FOXP2: variants seen among roughly 807,000 people sequenced by gnomAD.
FOXP2 encodes forkhead box protein P2.
FOXP2 carries 12 observed loss-of-function variants against 115.8 expected under a neutral mutation model. The observed-to-expected ratio is 0.10, with a 90% CI of 0.07 to 0.17. The LOEUF (loss-of-function observed/expected upper bound fraction) is 0.17. FOXP2 is among the 10% of genes least tolerant of loss of function. The probability of loss-of-function intolerance (pLI) is 1.00; values close to 1 mark genes in which losing one functional copy is unlikely to be tolerated. For missense variants in FOXP2, 629 were observed against 843.5 expected, an observed-to-expected ratio of 0.75 and a Z score of 3.15; for synonymous variants, 328 against 297.7, an observed-to-expected ratio of 1.10 and a Z score of -1.05.
intron 2 of FOXP2, among the ~76,000 whole-genome samples, chr7:114,493,368 T>C (rs1431686938): frequency 6.6e-6 from 1 of 152,000 alleles, no homozygotes; most frequent in African/African-American, 2.4e-5. Context: ...TCCAAACCCA[T>C]AGAATGTAAA....
intron 1 of FOXP2, among the ~76,000 whole-genome samples, chr7:114,249,663 T>C (rs1795385029): frequency 6.6e-6 from 1 of 152,144 alleles, no homozygotes; most frequent in Non-Finnish European, 1.5e-5. Flanking sequence ...TGAATAGTGC[T>C]GCAGTTAACA....
intron 1 of FOXP2, among the ~76,000 whole-genome samples, chr7:114,276,804 C>A (rs1364175011): frequency 6.6e-6 from 1 of 152,166 alleles, no homozygotes; most frequent in Non-Finnish European, 1.5e-5. Flanking sequence ...TCAGCCTGTT[C>A]AGCTTTTTAC....
chr7:114,198,961 C>T (rs777488707), intron 1 of FOXP2, among the ~76,000 whole-genome samples: 9 of 152,140 alleles, frequency 5.9e-5, no homozygotes, highest in Non-Finnish European at 1.0e-4. Flanking sequence ...CTTTTAAGGC[C>T]TTCAACTAAT....
chr7:114,586,489 A>G (rs1802136587), intron 3 of FOXP2, among the ~76,000 whole-genome samples: 1 of 152,144 alleles, frequency 6.6e-6, no homozygotes, highest in African/African-American at 2.4e-5. Flanking sequence ...AGAATGCTTG[A>G]TGGCTTTAAT....
At chr7:114,340,278 G>C (rs954856395) in intron 2 of FOXP2, among the ~76,000 whole-genome samples, 1 of 151,000 alleles carries the variant, frequency 6.6e-6, no homozygotes, top group African/African-American at 2.4e-5. Context: ...AGACTGAGTA[G>C]CTTTTATTAT....
intron 3 of FOXP2, among the ~76,000 whole-genome samples, chr7:114,581,971 G>A (rs761970381): frequency 3.7e-4 from 57 of 152,168 alleles, no homozygotes; most frequent in Non-Finnish European, 7.6e-4. Context: ...AGTACATAGA[G>A]ATTACAAATA....
intron 2 of FOXP2, among the ~76,000 whole-genome samples, chr7:114,504,883 C>T (rs1002760372): frequency 6.6e-6 from 1 of 151,646 alleles, no homozygotes; most frequent in East Asian, 1.9e-4. Flanking sequence ...TTTAAAAATG[C>T]TCAGGATCTC....
chr7:114,605,502 A>C (rs1803270008), intron 3 of FOXP2, among the ~76,000 whole-genome samples: 1 of 152,232 alleles, frequency 6.6e-6, no homozygotes, highest in South Asian at 2.1e-4. Context: ...AATAAAAGAC[A>C]AAATGAGATA....
chr7:114,521,487 T>C (rs1798621927), intron 2 of FOXP2, among the ~76,000 whole-genome samples: 1 of 138,686 alleles, frequency 7.2e-6, no homozygotes, highest in Non-Finnish European at 1.5e-5. Flanking sequence ...GGACTCTGAG[T>C]CTACCACTGT....
At chr7:114,212,128 T>A (rs934391309) in intron 1 of FOXP2, among the ~76,000 whole-genome samples, 3 of 115,100 alleles carry the variant, frequency 2.6e-5, no homozygotes, top group African/African-American at 5.6e-5. Flanking sequence ...ATAAAATATA[T>A]ATATATATTC....
chr7:114,593,079 T>C (rs1359131159), intron 3 of FOXP2, among the ~76,000 whole-genome samples: 1 of 151,996 alleles, frequency 6.6e-6, no homozygotes, highest in East Asian at 1.9e-4. Flanking sequence ...GATTGAATAG[T>C]TTCTGTTTTG....
intron 2 of FOXP2, among the ~76,000 whole-genome samples, chr7:114,338,748 TCACACA>T (rs56411270): frequency 0.44 from 63,948 of 146,452 alleles, 14,708 homozygotes; most frequent in East Asian, 0.75. Flanking sequence ...GTCAAGATGT[TCACACA>T]CACACACACA....
At chr7:114,110,645 T>G (rs1308830591) in intron 1 of FOXP2, among the ~76,000 whole-genome samples, 1 of 152,172 alleles carries the variant, frequency 6.6e-6, no homozygotes, top group East Asian at 1.9e-4. Flanking sequence ...CTTTAAGATT[T>G]TGGACACTTT....
intron 2 of FOXP2, among the ~76,000 whole-genome samples, chr7:114,514,367 C>G (rs1273046846): frequency 1.3e-5 from 2 of 151,880 alleles, no homozygotes; most frequent in Non-Finnish European, 1.5e-5. Flanking sequence ...AAATTTATTC[C>G]TCCTGTCTAA....
chr7:114,623,080 TTAAAA>T (rs1182871691), intron 3 of FOXP2, among the ~76,000 whole-genome samples: 1 of 152,020 alleles, frequency 6.6e-6, no homozygotes, highest in Non-Finnish European at 1.5e-5. Flanking sequence ...ATTTTACAAC[TTAAAA>T]TAAAACCAGG....
At chr7:114,507,907 T>C (rs548852448) in intron 2 of FOXP2, among the ~76,000 whole-genome samples, 1 of 152,042 alleles carries the variant, frequency 6.6e-6, no homozygotes, top group African/African-American at 2.4e-5. Context: ...TATTGAGTAT[T>C]CCCCTGGAAG....
intron 2 of FOXP2, among the ~76,000 whole-genome samples, chr7:114,529,641 TTAA>T (rs1584857011): frequency 1.3e-5 from 2 of 151,970 alleles, no homozygotes; most frequent in South Asian, 2.1e-4. Flanking sequence ...AAAATATTCT[TTAA>T]TAATTAGCTT....
chr7:114,515,732 AT>A (rs576899988), intron 2 of FOXP2, among the ~76,000 whole-genome samples: 4 of 151,922 alleles, frequency 2.6e-5, no homozygotes, highest in Non-Finnish European at 5.9e-5. Context: ...ATTAGATCCC[AT>A]TTGTCAATTT....
intron 2 of FOXP2, among the ~76,000 whole-genome samples, chr7:114,508,766 G>T (rs952391038): frequency 6.6e-6 from 1 of 152,002 alleles, no homozygotes; most frequent in Non-Finnish European, 1.5e-5. Flanking sequence ...ATTAAAATTG[G>T]GTATTCACTT....
Sources: allele counts gnomAD v4.1 joint callset (sites outside exome capture counted in the v4.1 genomes callset), GRCh38; gene constraint gnomAD v4.1.1; transcripts MANE v1.5; gene names NCBI Gene and HGNC (gene_info 2026-07-23, HGNC 2026-07-21).